FANK1: variants seen among roughly 807,000 people sequenced by gnomAD.
The protein encoded by FANK1 is fibronectin type 3 and ankyrin repeat domains protein 1.
Under a neutral mutation model 45.3 loss-of-function variants are expected in FANK1, and 44 were observed. The observed-to-expected ratio is 0.97, with a 90% CI of 0.76 to 1.25. The LOEUF (loss-of-function observed/expected upper bound fraction) is 1.25, where lower values mean the gene tolerates loss of function less well. Ranked by LOEUF, FANK1 falls within the 50% of genes most tolerant of loss-of-function variation. FANK1 has a pLI of 0.00. For synonymous variants in FANK1, 149 were observed against 152.5 expected (o/e 0.98, Z 0.17); for missense variants, 391 against 424.4 (o/e 0.92, Z 0.69).
At chr10:125,948,004 C>T (rs1948934443) in intron 1 of FANK1, among the ~76,000 whole-genome samples, 1 of 150,336 alleles carries the variant, frequency 6.7e-6, no homozygotes, top group Admixed American at 6.7e-5. Context: ...CAACCTGCTC[C>T]TGAATGACTA....
At chr10:125,934,116 C>T (rs1391059381) in intron 1 of FANK1, among the ~76,000 whole-genome samples, 5 of 152,116 alleles carry the variant, frequency 3.3e-5, no homozygotes, top group Admixed American at 1.3e-4. Flanking sequence ...TAATAAAACA[C>T]AGTCCTGCTC....
intron 1 of FANK1, among the ~76,000 whole-genome samples, chr10:125,950,631 T>A (rs1369952946): frequency 6.6e-6 from 1 of 152,156 alleles, no homozygotes; most frequent in Non-Finnish European, 1.5e-5. Context: ...AGGAACACTT[T>A]TACACTGTTG....
chr10:125,913,312 A>C (rs1020594076), intron 1 of FANK1, among the ~76,000 whole-genome samples: 4 of 150,704 alleles, frequency 2.7e-5, no homozygotes, highest in African/African-American at 9.9e-5. Context: ...CATGACACCT[A>C]AACTCAGGTG....
At chr10:125,924,503 C>G (rs79644195) in intron 1 of FANK1, among the ~76,000 whole-genome samples, 1 of 124,900 alleles carries the variant, frequency 8.0e-6, no homozygotes. Context: ...CCACCTGCCT[C>G]GGCCTCCCAA....
chr10:126,000,081 A>AT (rs1029641765), intron 6 of FANK1, among the ~76,000 whole-genome samples: 2 of 152,202 alleles, frequency 1.3e-5, no homozygotes, highest in East Asian at 3.8e-4. Context: ...GGAAATCTGA[A>AT]TTAAAAAAAA....
intron 1 of FANK1, among the ~76,000 whole-genome samples, chr10:125,925,684 G>A (rs1947298200): frequency 6.6e-6 from 1 of 152,148 alleles, no homozygotes; most frequent in African/African-American, 2.4e-5. Flanking sequence ...GACATGTGCC[G>A]CCAAGCCTGG....
At chr10:125,986,103 G>T (rs1422211385) in intron 2 of FANK1, among the ~76,000 whole-genome samples, 1 of 152,142 alleles carries the variant, frequency 6.6e-6, no homozygotes, top group African/African-American at 2.4e-5. Context: ...CTGCGGGGAT[G>T]GTGGAGACTG....
chr10:125,990,371 G>T (rs1012846784), intron 3 of FANK1, among the ~76,000 whole-genome samples: 1 of 152,094 alleles, frequency 6.6e-6, no homozygotes, highest in African/African-American at 2.4e-5. Flanking sequence ...TCTCCAGCCT[G>T]GGCAACAGAG....
At chr10:125,976,656 T>C (rs1051757486) in intron 1 of FANK1, among the ~76,000 whole-genome samples, 1 of 151,846 alleles carries the variant, frequency 6.6e-6, no homozygotes, top group Admixed American at 6.6e-5. Flanking sequence ...GGAATCTCGC[T>C]CTGTCACCCA....
chr10:125,936,432 C>CAAAA (rs11405392), intron 1 of FANK1, among the ~76,000 whole-genome samples: 3 of 115,230 alleles, frequency 2.6e-5, no homozygotes, highest in African/African-American at 9.7e-5. Context: ...GATGCTGTCT[C>CAAAA]AAAAAAAAAA....
At chr10:125,956,196 AT>A (rs138656926) in intron 1 of FANK1, among the ~76,000 whole-genome samples, 7 of 89,736 alleles carry the variant, frequency 7.8e-5, no homozygotes, top group African/African-American at 3.3e-4. Context: ...TCTATGATAC[AT>A]TTTTTGGGGG....
At chr10:125,972,681 GT>G (rs1298313393) in intron 1 of FANK1, 1 of 152,168 alleles carries the variant, frequency 6.6e-6, no homozygotes, top group Non-Finnish European at 1.5e-5. Context: ...ATCTTGATGA[GT>G]TTTGTATGAA....
intron 1 of FANK1, among the ~76,000 whole-genome samples, chr10:125,901,292 C>G (rs1589757003): frequency 6.6e-6 from 1 of 152,214 alleles, no homozygotes; most frequent in African/African-American, 2.4e-5. Context: ...CCACCCTTCT[C>G]CATCCACCAG....
At chr10:125,984,982 G>A (rs1951460719) in intron 2 of FANK1, among the ~76,000 whole-genome samples, 1 of 152,148 alleles carries the variant, frequency 6.6e-6, no homozygotes, top group Admixed American at 6.5e-5. Context: ...TACCCTGGTG[G>A]GCAGTTGTGT....
At chr10:125,920,411 A>T (rs1444135686) in intron 1 of FANK1, among the ~76,000 whole-genome samples, 1 of 152,224 alleles carries the variant, frequency 6.6e-6, no homozygotes, top group Non-Finnish European at 1.5e-5. Flanking sequence ...ATCAGAATTC[A>T]CTAGATTGGT....
intron 1 of FANK1, among the ~76,000 whole-genome samples, chr10:125,966,331 G>C (rs1379649410): frequency 6.6e-6 from 1 of 152,012 alleles, no homozygotes; most frequent in African/African-American, 2.4e-5. Flanking sequence ...TGCCAGACTT[G>C]CCTCTTTATC....
intron 1 of FANK1, among the ~76,000 whole-genome samples, chr10:125,900,958 C>A (rs1037475434): frequency 5.3e-5 from 8 of 151,788 alleles, no homozygotes; most frequent in African/African-American, 1.9e-4. Flanking sequence ...CCTTTTTCTG[C>A]CCCCCTTTTT....
chr10:125,979,902 A>G (rs1951090432), intron 1 of FANK1: 2 of 591,334 alleles, frequency 3.4e-6, no homozygotes, highest in Non-Finnish European at 6.4e-6. Context: ...AGCCCTTTGG[A>G]AGGGTCAGTG....
intron 6 of FANK1, among the ~76,000 whole-genome samples, chr10:126,000,610 T>TA (rs1952685381): frequency 6.6e-6 from 1 of 151,926 alleles, no homozygotes; most frequent in Non-Finnish European, 1.5e-5. Flanking sequence ...AACAAAACCA[T>TA]AAAAAATGAC....
Sources: gnomAD v4.1 joint callset for allele counts (sites outside exome capture counted in the v4.1 genomes callset) on GRCh38, gnomAD v4.1.1 for gene constraint, MANE v1.5 for transcripts, NCBI Gene and HGNC (gene_info 2026-07-23, HGNC 2026-07-21) for gene names.